Variants in OR1J2 observed in about 807,000 individuals in gnomAD.
OR1J2 encodes olfactory receptor family 1 subfamily J member 2.
For missense variants in OR1J2, 304 were observed against 246.1 expected (o/e 1.24, Z -1.57); for synonymous variants, 142 against 99.7 (o/e 1.42, Z -2.52).
chr9:122,571,216 C>T, the OR1J2 span, among the ~76,000 whole-genome samples: 2 of 152,084 alleles, frequency 1.3e-5, no homozygotes, highest in East Asian at 3.9e-4. Context: ...GATTTGAAAG[C>T]TTGAACACTA....
At chr9:122,450,582 T>C in the OR1J2 span, among the ~76,000 whole-genome samples, 1 of 152,254 alleles carries the variant, frequency 6.6e-6, no homozygotes, top group Non-Finnish European at 1.5e-5. Context: ...CAAATGCTTA[T>C]CATTTCTTTG....
chr9:122,549,901 T>C, the OR1J2 span, among the ~76,000 whole-genome samples: 1 of 152,122 alleles, frequency 6.6e-6, no homozygotes, highest in Admixed American at 6.6e-5. Context: ...TGAAAAATGG[T>C]GTTGGTATTT....
At chr9:122,456,042 G>A in the OR1J2 span, among the ~76,000 whole-genome samples, 132,436 of 152,188 alleles carry the variant, frequency 0.87, 57,721 homozygotes, top group Middle Eastern at 0.9. Flanking sequence ...ATTCCATTCA[G>A]TTGATCTAGT....
At chr9:122,563,451 C>T in the OR1J2 span, among the ~76,000 whole-genome samples, 1 of 151,958 alleles carries the variant, frequency 6.6e-6, no homozygotes, top group African/African-American at 2.4e-5. Flanking sequence ...TTTTTAAAAT[C>T]ATTTATTTGT....
At chr9:122,553,471 A>G in the OR1J2 span, 7 of 1,613,954 alleles carry the variant, frequency 4.3e-6, no homozygotes, top group South Asian at 6.6e-5. Context: ...ATGCTGGCCA[A>G]CATTCATACC....
At chr9:122,460,973 A>G in the OR1J2 span, among the ~76,000 whole-genome samples, 1 of 152,022 alleles carries the variant, frequency 6.6e-6, no homozygotes, top group Non-Finnish European at 1.5e-5. Flanking sequence ...CCATCCTGAA[A>G]CTTTGCTAAA....
the OR1J2 span, among the ~76,000 whole-genome samples, chr9:122,544,405 C>T: frequency 7.2e-6 from 1 of 139,834 alleles, no homozygotes. Flanking sequence ...TTCAAAATAG[C>T]CTCTTTTTTC....
chr9:122,456,221 A>G, the OR1J2 span, among the ~76,000 whole-genome samples: 86 of 152,334 alleles, frequency 5.6e-4, no homozygotes, highest in African/African-American at 2.0e-3. Flanking sequence ...TGGCTGTAAT[A>G]AGCTCTTGCA....
the OR1J2 span, among the ~76,000 whole-genome samples, chr9:122,571,226 A>C: frequency 2.0e-5 from 3 of 151,984 alleles, no homozygotes; most frequent in Admixed American, 2.0e-4. Flanking sequence ...CTTGAACACT[A>C]ATGAGGGACT....
chr9:122,548,595 A>G, the OR1J2 span, among the ~76,000 whole-genome samples: 1 of 151,598 alleles, frequency 6.6e-6, no homozygotes, highest in African/African-American at 2.4e-5. Context: ...ATTTTTATAT[A>G]TATATATTTT....
chr9:122,549,637 G>A, the OR1J2 span, among the ~76,000 whole-genome samples: 19 of 152,184 alleles, frequency 1.2e-4, no homozygotes, highest in East Asian at 3.7e-3. Context: ...CCCAGTGTAT[G>A]TTTTTGTTAA....
chr9:122,519,430 G>A, the OR1J2 span: 2 of 1,614,182 alleles, frequency 1.2e-6, no homozygotes, highest in East Asian at 2.2e-5. Flanking sequence ...TATGCAGGGT[G>A]TGTAACTCAG....
chr9:122,547,466 T>G, the OR1J2 span, among the ~76,000 whole-genome samples: 1 of 152,206 alleles, frequency 6.6e-6, no homozygotes, highest in Non-Finnish European at 1.5e-5. Context: ...GGGCTTTTAG[T>G]GTAACTATCA....
chr9:122,514,881 C>A (rs566550378), downstream of OR1J2, among the ~76,000 whole-genome samples: 47 of 152,122 alleles, frequency 3.1e-4, no homozygotes, highest in Non-Finnish European at 6.8e-4. Flanking sequence ...GAGCCACTTG[C>A]CTCAGAATTT....
chr9:122,482,085 A>G, the OR1J2 span, among the ~76,000 whole-genome samples: 1 of 152,182 alleles, frequency 6.6e-6, no homozygotes, highest in African/African-American at 2.4e-5. Context: ...AACCTACAGA[A>G]TGAAAGAAAA....
At chr9:122,510,268 A>T (rs78175981), upstream of OR1J2, among the ~76,000 whole-genome samples, 1 of 152,294 alleles carries the variant, frequency 6.6e-6, no homozygotes, top group African/African-American at 2.4e-5. Flanking sequence ...ATGGCTTGGA[A>T]TACTCGCCAC....
the OR1J2 span, chr9:122,554,288 TAAAA>T: frequency 7.5e-5 from 41 of 547,604 alleles, no homozygotes; most frequent in East Asian, 1.8e-4. Context: ...GTTAGGGATG[TAAAA>T]AAAAAAAAAA....
the OR1J2 span, among the ~76,000 whole-genome samples, chr9:122,453,592 C>T: frequency 3.3e-5 from 5 of 152,334 alleles, no homozygotes; most frequent in Non-Finnish European, 5.9e-5. Context: ...TTCCCAGGGG[C>T]TGTTCAGTTC....
chr9:122,537,964 C>T, the OR1J2 span, among the ~76,000 whole-genome samples: 12 of 152,248 alleles, frequency 7.9e-5, no homozygotes, highest in South Asian at 2.5e-3. Flanking sequence ...GTAGCTCCAC[C>T]CTGTCCTCCT....
Sources: gnomAD v4.1 joint callset for allele counts (sites outside exome capture counted in the v4.1 genomes callset) on GRCh38, gnomAD v4.1.1 for gene constraint, MANE v1.5 for transcripts, NCBI Gene and HGNC (gene_info 2026-07-23, HGNC 2026-07-21) for gene names.